SDK1: variants seen among roughly 807,000 people sequenced by gnomAD.
SDK1 encodes the protein protein sidekick-1.
SDK1 carries 157 observed loss-of-function variants against 245.5 expected under a neutral mutation model. The ratio of observed to expected loss-of-function variants is 0.64; its 90% CI spans 0.56 to 0.73. The LOEUF (loss-of-function observed/expected upper bound fraction) is 0.73. SDK1 is among the 30% of genes least tolerant of loss of function. The pLI is 0.00. For missense variants in SDK1, 3,583 were observed against 3,002.3 expected (o/e 1.19, Z -4.52); for synonymous variants, 1,647 against 1,278.5 (o/e 1.29, Z -6.15).
intron 4 of SDK1, among the ~76,000 whole-genome samples, chr7:3,732,744 T>G (rs1779215526): frequency 6.6e-6 from 1 of 152,174 alleles, no homozygotes; most frequent in Admixed American, 6.5e-5. Context: ...TACGAAAACT[T>G]TAATTCAAGA....
chr7:3,742,519 C>T (rs1292249773), intron 4 of SDK1, among the ~76,000 whole-genome samples: 7 of 152,164 alleles, frequency 4.6e-5, no homozygotes, highest in South Asian at 2.1e-4. Flanking sequence ...TTTCTCCCGA[C>T]ATTTGCATAT....
intron 1 of SDK1, among the ~76,000 whole-genome samples, chr7:3,425,764 A>C (rs912823109): frequency 6.6e-6 from 1 of 152,210 alleles, no homozygotes; most frequent in Non-Finnish European, 1.5e-5. Flanking sequence ...GAAGACTAAC[A>C]GCCTTTTATT....
chr7:3,583,779 T>C (rs1303902451), intron 1 of SDK1, among the ~76,000 whole-genome samples: 1 of 151,462 alleles, frequency 6.6e-6, no homozygotes, highest in African/African-American at 2.4e-5. Flanking sequence ...GTCCTGTGAA[T>C]GCCACCGAGA....
chr7:3,316,577 A>G (rs1460866545), intron 1 of SDK1, among the ~76,000 whole-genome samples: 2 of 152,200 alleles, frequency 1.3e-5, no homozygotes, highest in African/African-American at 4.8e-5. Flanking sequence ...TTATGTATAT[A>G]TGCTGTAGTG....
chr7:3,942,720 C>A (rs1341547420), intron 5 of SDK1, among the ~76,000 whole-genome samples: 1 of 152,106 alleles, frequency 6.6e-6, no homozygotes, highest in African/African-American at 2.4e-5. Context: ...CCTGTTTCTA[C>A]AAAAAGAAAA....
chr7:3,524,964 C>T (rs956120186), intron 1 of SDK1, among the ~76,000 whole-genome samples: 6 of 152,086 alleles, frequency 3.9e-5, no homozygotes, highest in South Asian at 2.1e-4. Context: ...TCAGGTTCCA[C>T]ATGCACAGAT....
At chr7:3,830,982 A>G (rs1297464410) in intron 5 of SDK1, among the ~76,000 whole-genome samples, 1 of 152,170 alleles carries the variant, frequency 6.6e-6, no homozygotes, top group Non-Finnish European at 1.5e-5. Context: ...TTTTCTTTCT[A>G]GCTCTTATCA....
intron 35 of SDK1, among the ~76,000 whole-genome samples, chr7:4,205,312 C>A (rs1784155109): frequency 6.6e-6 from 1 of 152,186 alleles, no homozygotes; most frequent in African/African-American, 2.4e-5. Flanking sequence ...ACACAGCTAT[C>A]TTTTCTCTAA....
chr7:4,057,464 T>A (rs1251277568), intron 19 of SDK1, among the ~76,000 whole-genome samples: 2 of 152,130 alleles, frequency 1.3e-5, no homozygotes, highest in Non-Finnish European at 2.9e-5. Context: ...CCACCAGCAA[T>A]ACCAGTGCAG....
intron 4 of SDK1, among the ~76,000 whole-genome samples, chr7:3,815,639 A>AG (rs527580944): frequency 0.017 from 2,556 of 151,172 alleles, 80 homozygotes; most frequent in African/African-American, 0.058. Context: ...AAAATGAGTT[A>AG]GGGAGGATTC....
intron 4 of SDK1, among the ~76,000 whole-genome samples, chr7:3,715,134 T>A (rs993823048): frequency 6.6e-6 from 1 of 152,184 alleles, no homozygotes; most frequent in Non-Finnish European, 1.5e-5. Flanking sequence ...TCCAAAATAA[T>A]TGCACATATA....
At chr7:3,597,261 G>C (rs973118492) in intron 1 of SDK1, among the ~76,000 whole-genome samples, 4 of 115,420 alleles carry the variant, frequency 3.5e-5, no homozygotes, top group Non-Finnish European at 6.6e-5. Context: ...GACAGAGTAA[G>C]ACTTGGTCTC....
chr7:4,067,700 A>T (rs1337339094), intron 19 of SDK1, 138 bp from the exon 20 acceptor site: 1 of 598,110 alleles, frequency 1.7e-6, no homozygotes, highest in Non-Finnish European at 3.0e-6. Context: ...TTCTTTCTGC[A>T]TTCCACTGAT....
At chr7:3,609,496 T>A (rs1202228) in intron 1 of SDK1, among the ~76,000 whole-genome samples, 2 of 152,074 alleles carry the variant, frequency 1.3e-5, no homozygotes, top group Admixed American at 6.5e-5. Context: ...TGCTTCCCGG[T>A]TTCAAACGAT....
At chr7:3,797,472 C>G (rs983406799) in intron 4 of SDK1, among the ~76,000 whole-genome samples, 1 of 151,022 alleles carries the variant, frequency 6.6e-6, no homozygotes, top group Non-Finnish European at 1.5e-5. Flanking sequence ...CACACACACA[C>G]ACACACACAC....
At chr7:4,220,006 A>G in intron 38 of SDK1, 103 bp from the exon 39 acceptor site, 1 of 1,383,882 alleles carries the variant, frequency 7.2e-7, no homozygotes, top group Non-Finnish European at 9.9e-7. Context: ...CTTCCTTAGC[A>G]AACTGCAGGG....
intron 20 of SDK1, among the ~76,000 whole-genome samples, chr7:4,069,443 G>A (rs546672735): frequency 2.5e-4 from 38 of 152,356 alleles, no homozygotes; most frequent in Middle Eastern, 3.4e-3. Context: ...GGGCTCCTGC[G>A]TGGGTATTCT....
intron 5 of SDK1, among the ~76,000 whole-genome samples, chr7:3,926,989 T>A (rs535352488): frequency 6.6e-6 from 1 of 152,216 alleles, no homozygotes; most frequent in African/African-American, 2.4e-5. Context: ...AGGGCTTAAC[T>A]TGGGGGCCCG....
Position 3,666,108 on chromosome 7 carries a change from C to T in SDK1, c.713+24003C>T, listed in dbSNP as rs191543391. On this transcript the variant is annotated intron_variant, in intron 4 of 44. Transcript: ENST00000404826. ...AGTATCCAGCTTTGTCCTTTATTCA[C>T]CTCCTAATCCAGTTAACCAGATGTT... Among the ~76,000 whole-genome samples the T allele has an allele frequency of 5.3e-5, 8 of 152,292 alleles. No individual in the cohort carries two copies. In the East Asian group the frequency reaches 7.7e-4, roughly 15 times the overall value.
Sources: allele counts gnomAD v4.1 joint callset (sites outside exome capture counted in the v4.1 genomes callset), GRCh38; gene constraint gnomAD v4.1.1; transcripts MANE v1.5; gene names NCBI Gene and HGNC (gene_info 2026-07-23, HGNC 2026-07-21).